Variants in SLC41A2 observed in about 807,000 individuals in gnomAD.
SLC41A2 encodes the protein solute carrier family 41 member 2.
SLC41A2 carries 32 observed loss-of-function variants against 58.3 expected under a neutral mutation model. That is an observed-to-expected ratio of 0.55 (90% confidence interval 0.41 to 0.74). The LOEUF (loss-of-function observed/expected upper bound fraction) is 0.74, where lower values mean the gene tolerates loss of function less well. SLC41A2 is among the 30% of genes least tolerant of loss of function. The probability of loss-of-function intolerance (pLI) is 0.00; values close to 1 mark genes in which losing one functional copy is unlikely to be tolerated. For missense variants in SLC41A2, 514 were observed against 680.6 expected (o/e 0.76, Z 2.72); for synonymous variants, 190 against 235.0 (o/e 0.81, Z 1.75).
At chr12:104,879,821 A>G (rs184451188) in intron 6 of SLC41A2, among the ~76,000 whole-genome samples, 1 of 152,168 alleles carries the variant, frequency 6.6e-6, no homozygotes, top group East Asian at 1.9e-4. Flanking sequence ...AGTTTTTTCC[A>G]ATTCTGTGAA....
At chr12:104,811,740 C>A (rs1476030474) in intron 10 of SLC41A2, among the ~76,000 whole-genome samples, 1 of 152,106 alleles carries the variant, frequency 6.6e-6, no homozygotes, top group African/African-American at 2.4e-5. Flanking sequence ...AACTCACTGA[C>A]CAGGGCCGCA....
intron 10 of SLC41A2, among the ~76,000 whole-genome samples, chr12:104,820,069 A>G (rs1031548703): frequency 3.3e-5 from 5 of 152,136 alleles, no homozygotes; most frequent in Admixed American, 2.0e-4. Context: ...TTCCCTCCAC[A>G]CTGGCTTTCT....
At chr12:104,830,037 C>T (rs562625198) in intron 10 of SLC41A2, among the ~76,000 whole-genome samples, 2 of 152,170 alleles carry the variant, frequency 1.3e-5, no homozygotes, top group South Asian at 2.1e-4. Flanking sequence ...AAGTTTGTGG[C>T]CTCTACCCTA....
At chr12:104,887,621 A>C (rs1356654776) in intron 5 of SLC41A2, among the ~76,000 whole-genome samples, 2 of 152,046 alleles carry the variant, frequency 1.3e-5, no homozygotes, top group Non-Finnish European at 2.9e-5. Context: ...ATCGCTTAGA[A>C]TCTTTTTCCA....
intron 2 of SLC41A2, among the ~76,000 whole-genome samples, chr12:104,915,851 T>G (rs2046295886): frequency 6.6e-6 from 1 of 152,172 alleles, no homozygotes; most frequent in South Asian, 2.1e-4. Flanking sequence ...TTGTGACACT[T>G]TTCAAAGGGA....
At position 104,881,690 on chromosome 12, in the gene SLC41A2, T is replaced by C. The variant is rs2044378871; in HGVS notation, c.1027+4603A>G. On this transcript the variant is annotated intron_variant, in intron 6 of 10. Coordinates refer to ENST00000258538, the MANE Select transcript of SLC41A2 (RefSeq NM_001352171.3). ...CTGTGGTCTGAGAGATAGTTTGTTATGATTTCTGTTCTTTCACATTTGCTG... is the reference window on the plus strand; with the variant it reads ...CTGTGGTCTGAGAGATAGTTTGTTACGATTTCTGTTCTTTCACATTTGCTG... 2.6e-5 allele frequency among the ~76,000 whole-genome samples: 4 copies of C among 152,248 alleles called. No individual in the cohort carries two copies. The South Asian group carries it at 8.3e-4, about 31-fold the overall frequency.
chr12:104,905,552 G>A (rs547642447), intron 3 of SLC41A2, among the ~76,000 whole-genome samples: 26 of 152,384 alleles, frequency 1.7e-4, no homozygotes, highest in Middle Eastern at 3.4e-3. Flanking sequence ...ACTGGGCGCC[G>A]TGGAGCAGGG....
At chr12:104,870,467 A>C (rs1233238170) in intron 6 of SLC41A2, among the ~76,000 whole-genome samples, 2 of 152,254 alleles carry the variant, frequency 1.3e-5, no homozygotes, top group African/African-American at 4.8e-5. Context: ...TTAAGCCACA[A>C]GGTTTGTGCT....
intron 2 of SLC41A2, among the ~76,000 whole-genome samples, chr12:104,918,309 T>A (rs1278748752): frequency 1.3e-5 from 2 of 152,008 alleles, no homozygotes; most frequent in Non-Finnish European, 2.9e-5. Flanking sequence ...ATAAACAAAC[T>A]TGCATATGAG....
intron 1 of SLC41A2, among the ~76,000 whole-genome samples, chr12:104,934,987 C>T (rs531921829): frequency 1.3e-5 from 2 of 152,048 alleles, no homozygotes; most frequent in Non-Finnish European, 2.9e-5. Context: ...GATAGAGTTT[C>T]GTTCTTGTTG....
intron 10 of SLC41A2, 108 bp from the exon 11 acceptor site, chr12:104,805,445 A>C: frequency 1.3e-6 from 1 of 743,040 alleles, no homozygotes; most frequent in Middle Eastern, 3.6e-4. Flanking sequence ...TATGTGTCTA[A>C]GTCAAGAACC....
At chr12:104,901,638 C>T (rs1476483899) in intron 3 of SLC41A2, among the ~76,000 whole-genome samples, 1 of 152,140 alleles carries the variant, frequency 6.6e-6, no homozygotes. Flanking sequence ...CAACCACCTC[C>T]TCCCAGGCTC....
chr12:104,919,177 T>C (rs547792087), intron 2 of SLC41A2, among the ~76,000 whole-genome samples: 2 of 152,334 alleles, frequency 1.3e-5, no homozygotes, highest in Non-Finnish European at 2.9e-5. Context: ...CATGTGTCAA[T>C]AGTTTATTTC....
At chr12:104,904,773 C>T (rs987390847) in intron 3 of SLC41A2, among the ~76,000 whole-genome samples, 1 of 151,972 alleles carries the variant, frequency 6.6e-6, no homozygotes, top group Non-Finnish European at 1.5e-5. Context: ...TTCGTTCCTC[C>T]TGGTGGGCTC....
Position 104,924,285 on chromosome 12 carries a change from T to C in SLC41A2, c.555+3688A>G, listed in dbSNP as rs950407575. Among the ~76,000 whole-genome samples the C allele has an allele frequency of 5.3e-5, 8 of 152,190 alleles. No individual in the cohort carries two copies. The South Asian group carries it at 8.3e-4, about 16-fold the overall frequency. On this transcript the variant is annotated intron_variant, in intron 2 of 10. Transcript: ENST00000258538. The stretch of plus-strand genomic sequence containing the variant: ...CTGATTCCAAGTAGAAATAAGAATA[T>C]AGAGTATTGAGATCTCTTGTACTCT...
intron 10 of SLC41A2, among the ~76,000 whole-genome samples, chr12:104,839,374 ATTG>A (rs2042324612): frequency 3.9e-5 from 6 of 152,246 alleles, no homozygotes; most frequent in South Asian, 4.1e-4. Flanking sequence ...AAAAGGGGTT[ATTG>A]TTGTTTTTAA....
intron 3 of SLC41A2, among the ~76,000 whole-genome samples, chr12:104,898,700 C>A (rs749539720): frequency 2.6e-5 from 4 of 151,958 alleles, no homozygotes; most frequent in Non-Finnish European, 5.9e-5. Context: ...CCAGTATAAT[C>A]ATTTTATCTA....
Position 104,803,140 on chromosome 12 carries a change from T to A in SLC41A2, c.*2012A>T, listed in dbSNP as rs978152920. 22 of 152,202 alleles carry A rather than the reference T, an allele frequency of 1.4e-4. No homozygotes were observed. The highest frequency in any genetic ancestry group is 2.7e-4 in the African/African-American group (11 of 41,454). The allele number at this position is 152,202 out of a possible 1,614,324, so 9.4% of individuals were successfully genotyped here. ...CTTTAAAAATGTAGCTTGCCCTGTA[T>A]ATTTTTTAAAAATCAAAATAGAAAT... On this transcript the variant is annotated 3_prime_UTR_variant, in exon 11 of 11. Coordinates refer to ENST00000258538, the MANE Select transcript of SLC41A2 (RefSeq NM_001352171.3).
intron 4 of SLC41A2, among the ~76,000 whole-genome samples, chr12:104,894,774 A>T (rs1452328234): frequency 6.6e-6 from 1 of 152,224 alleles, no homozygotes; most frequent in Admixed American, 6.5e-5. Flanking sequence ...AAAGCTGTAG[A>T]TTATACACGA....
Sources: allele counts gnomAD v4.1 joint callset (sites outside exome capture counted in the v4.1 genomes callset), GRCh38; gene constraint gnomAD v4.1.1; transcripts MANE v1.5; gene names NCBI Gene and HGNC (gene_info 2026-07-23, HGNC 2026-07-21).